The following ATG10 variants were observed in gnomAD, a reference collection of about 807,000 sequenced individuals.
The protein encoded by ATG10 is autophagy related 10.
In ATG10, 30 loss-of-function variants were observed where a neutral mutation model predicts 32.1. The ratio of observed to expected loss-of-function variants is 0.94; its 90% CI spans 0.70 to 1.27. ATG10 has a LOEUF of 1.27. Ranked by LOEUF, ATG10 falls within the 50% of genes most tolerant of loss-of-function variation. ATG10 has a pLI of 0.00. For synonymous variants in ATG10, 87 were observed against 91.5 expected (o/e 0.95, Z 0.28); for missense variants, 233 against 262.3 (o/e 0.89, Z 0.77).
At chr5:82,128,708 A>T (rs1461759083) in intron 3 of ATG10, among the ~76,000 whole-genome samples, 2 of 115,988 alleles carry the variant, frequency 1.7e-5, no homozygotes, top group Non-Finnish European at 3.4e-5. Context: ...GAAGCCCATC[A>T]GACTTCCATT....
chr5:82,124,074 A>ATTT (rs78005207), intron 3 of ATG10, among the ~76,000 whole-genome samples: 5 of 136,724 alleles, frequency 3.7e-5, no homozygotes, highest in South Asian at 2.3e-4. Flanking sequence ...TATTCCATGG[A>ATTT]TTTTTTTTTT....
At chr5:82,161,676 A>G (rs868082833) in intron 3 of ATG10, among the ~76,000 whole-genome samples, 3 of 141,010 alleles carry the variant, frequency 2.1e-5, no homozygotes, top group Non-Finnish European at 4.7e-5. Context: ...AAATAGCTCA[A>G]TAGAGAAGAT....
At chr5:82,015,473 G>A (rs780459855) in intron 2 of ATG10, among the ~76,000 whole-genome samples, 11 of 152,162 alleles carry the variant, frequency 7.2e-5, no homozygotes, top group South Asian at 4.1e-4. Flanking sequence ...CCTATCAGAC[G>A]TAGATTTGGT....
rs573671519 is a variant in ATG10 at position 82,037,493 on chromosome 5, C to T, written c.109-21002C>T. ...CGATCTCCTGACCTCGTGATCCGCC[C>T]GCCTCGGCCTCCCAAAGTGCTGGGA... is the stretch of plus-strand genomic sequence containing the variant. On this transcript the variant is annotated intron_variant, in intron 2 of 7. Transcript: ENST00000282185. 2.4e-3 allele frequency among the ~76,000 whole-genome samples: 368 copies of T among 151,108 alleles called. 2 individuals carry two copies. The highest frequency in any genetic ancestry group is 2.3e-3 in the East Asian group (12 of 5,126).
At chr5:82,182,357 C>T (rs1744269905) in intron 5 of ATG10, among the ~76,000 whole-genome samples, 1 of 152,022 alleles carries the variant, frequency 6.6e-6, no homozygotes, top group Non-Finnish European at 1.5e-5. Context: ...CAATTCCTAG[C>T]ATCATTTTAT....
intron 3 of ATG10, among the ~76,000 whole-genome samples, chr5:82,080,081 CATT>C (rs1484452419): frequency 1.3e-5 from 2 of 152,170 alleles, no homozygotes; most frequent in Non-Finnish European, 2.9e-5. Flanking sequence ...GATGGTATCT[CATT>C]GTGGTTTTGA....
At chr5:81,986,117 C>G (rs1472960137) in intron 1 of ATG10, among the ~76,000 whole-genome samples, 1 of 152,044 alleles carries the variant, frequency 6.6e-6, no homozygotes, top group Non-Finnish European at 1.5e-5. Flanking sequence ...ACCGTGTTAG[C>G]CAGGATGGTC....
intron 2 of ATG10, among the ~76,000 whole-genome samples, chr5:82,002,698 C>T (rs1221483376): frequency 6.6e-6 from 1 of 152,102 alleles, no homozygotes; most frequent in Non-Finnish European, 1.5e-5. Context: ...GGGTACTGTG[C>T]TTATAACCTG....
intron 3 of ATG10, among the ~76,000 whole-genome samples, chr5:82,097,514 C>T (rs1188683468): frequency 6.6e-6 from 1 of 152,266 alleles, no homozygotes; most frequent in African/African-American, 2.4e-5. Flanking sequence ...AAAAGATAGC[C>T]ATGTTTAAAA....
intron 2 of ATG10, among the ~76,000 whole-genome samples, chr5:81,991,284 T>C (rs1053455435): frequency 2.0e-5 from 3 of 152,250 alleles, no homozygotes; most frequent in African/African-American, 7.2e-5. Context: ...AGTATTCTTA[T>C]ACTATTGTTT....
At chr5:81,990,111 G>C (rs1761411407) in intron 2 of ATG10, among the ~76,000 whole-genome samples, 2 of 152,080 alleles carry the variant, frequency 1.3e-5, no homozygotes, top group South Asian at 4.1e-4. Flanking sequence ...CTTTGTGATA[G>C]TTCTCTCTAT....
chr5:82,058,832 G>A (rs1763682912), intron 3 of ATG10, among the ~76,000 whole-genome samples: 1 of 152,096 alleles, frequency 6.6e-6, no homozygotes, highest in Admixed American at 6.6e-5. Flanking sequence ...TGTTGTAGGG[G>A]GAGAAGGAGG....
chr5:81,979,894 A>G (rs1344608940), intron 1 of ATG10, among the ~76,000 whole-genome samples: 1 of 146,920 alleles, frequency 6.8e-6, no homozygotes, highest in Non-Finnish European at 1.5e-5. Flanking sequence ...ACATTTGCTT[A>G]TGATTGTAGT....
At chr5:82,011,025 C>CCA (rs773622503) in intron 2 of ATG10, among the ~76,000 whole-genome samples, 1 of 152,148 alleles carries the variant, frequency 6.6e-6, no homozygotes, top group Non-Finnish European at 1.5e-5. Context: ...GGTCTTTGGA[C>CCA]CACTGCGTTC....
At chr5:82,032,648 G>C (rs1425176273) in intron 2 of ATG10, among the ~76,000 whole-genome samples, 1 of 151,738 alleles carries the variant, frequency 6.6e-6, no homozygotes, top group African/African-American at 2.4e-5. Context: ...CACCCTGTCT[G>C]CTAACTCCCA....
Position 82,252,585 on chromosome 5 carries a change from C to G in ATG10, c.477C>G (p.Pro159=). ...AGGAACATCCAATACTTGGGCAACCCTTTTTTGTACTTCATCCCTGCAAGA... is the reference window on the plus strand; with the variant it reads ...AGGAACATCCAATACTTGGGCAACCGTTTTTTGTACTTCATCCCTGCAAGA... ...TQQEHPILGQ[P]FFVLHPCKTN... Residue 159 remains proline, a synonymous_variant, in exon 6 of 8, where the codon CCC becomes CCG. Coordinates refer to ENST00000282185, the MANE Select transcript of ATG10 (RefSeq NM_031482.5). The G allele has an allele frequency of 6.2e-7, 1 of 1,608,892 alleles. No homozygotes were observed. Among genetic ancestry groups the G allele is most frequent in the Non-Finnish European group, 8.5e-7 (1 of 1,177,098 alleles).
At chr5:82,213,223 A>G (rs1170041164) in intron 5 of ATG10, among the ~76,000 whole-genome samples, 2 of 152,212 alleles carry the variant, frequency 1.3e-5, no homozygotes, top group African/African-American at 4.8e-5. Context: ...TTTGTTCTTC[A>G]TACACGAATT....
At chr5:82,086,535 A>T (rs934600484) in intron 3 of ATG10, among the ~76,000 whole-genome samples, 1 of 152,134 alleles carries the variant, frequency 6.6e-6, no homozygotes, top group African/African-American at 2.4e-5. Flanking sequence ...ACTTTCTTCC[A>T]GCCAGTTTGA....
chr5:82,216,472 T>C (rs1745683886), intron 5 of ATG10, among the ~76,000 whole-genome samples: 1 of 152,230 alleles, frequency 6.6e-6, no homozygotes, highest in Non-Finnish European at 1.5e-5. Context: ...TGTTCTGATA[T>C]GGTAAAATTA....
Sources: allele counts gnomAD v4.1 joint callset (sites outside exome capture counted in the v4.1 genomes callset), GRCh38; gene constraint gnomAD v4.1.1; transcripts MANE v1.5; gene names NCBI Gene and HGNC (gene_info 2026-07-23, HGNC 2026-07-21).